SLC25A26: variants seen among roughly 807,000 people sequenced by gnomAD.
SLC25A26 encodes the protein solute carrier family 25 member 26, also known as mitochondrial S-adenosylmethionine carrier protein.
SLC25A26 carries 36 observed loss-of-function variants against 37.8 expected under a neutral mutation model. The ratio of observed to expected loss-of-function variants is 0.95; its 90% CI spans 0.73 to 1.26. SLC25A26 has a LOEUF of 1.26. Ranked by LOEUF, SLC25A26 falls within the 50% of genes most tolerant of loss-of-function variation. SLC25A26 has a pLI of 0.00. For synonymous variants in SLC25A26, 129 were observed against 122.5 expected (o/e 1.05, Z -0.35); for missense variants, 390 against 331.1 (o/e 1.18, Z -1.38).
intron 5 of SLC25A26, among the ~76,000 whole-genome samples, chr3:66,339,925 T>A (rs2076170816): frequency 6.6e-6 from 1 of 152,140 alleles, no homozygotes; most frequent in African/African-American, 2.4e-5. Flanking sequence ...ATCCAAGAAA[T>A]CATTGCCAAA....
chr3:66,173,240 G>T (rs772302269), intron 1 of SLC25A26, among the ~76,000 whole-genome samples: 1 of 152,156 alleles, frequency 6.6e-6, no homozygotes. Flanking sequence ...ATGCCTGTCT[G>T]GGGATTGGAA....
chr3:66,315,618 G>T (rs2075516496), intron 5 of SLC25A26, among the ~76,000 whole-genome samples: 9 of 152,098 alleles, frequency 5.9e-5, no homozygotes. Context: ...GAGTTCTGTA[G>T]GTATCTGTCA....
rs576069241 is a variant in SLC25A26, at chr3:66,314,774, GTTA to G, written c.454-31587_454-31585del. On this transcript the variant is annotated intron_variant, in intron 5 of 9. Coordinates refer to ENST00000354883, the MANE Select transcript of SLC25A26 (RefSeq NM_001379210.1). ...GGGCTTTTTTTTGTTTTTTTTTTTA[GTTA>G]TTTATTACTGCCTCAATTTCAGAAC... 6.8e-5 allele frequency among the ~76,000 whole-genome samples: 10 copies of G among 146,156 alleles called. No individual in the cohort carries two copies. The South Asian group carries it at 2.1e-3, about 31-fold the overall frequency.
At chr3:66,295,477 C>T (rs1239388541) in intron 5 of SLC25A26, among the ~76,000 whole-genome samples, 3 of 149,112 alleles carry the variant, frequency 2.0e-5, no homozygotes. Flanking sequence ...GATCGGCTTA[C>T]TGCAAGCTCC....
intron 5 of SLC25A26, among the ~76,000 whole-genome samples, chr3:66,319,531 C>G (rs1378582763): frequency 6.6e-6 from 1 of 151,926 alleles, no homozygotes; most frequent in Non-Finnish European, 1.5e-5. Flanking sequence ...TTATACCTTC[C>G]TTATCTGTTA....
At chr3:66,175,711 C>G (rs2070575754) in intron 1 of SLC25A26, among the ~76,000 whole-genome samples, 1 of 152,130 alleles carries the variant, frequency 6.6e-6, no homozygotes, top group Non-Finnish European at 1.5e-5. Context: ...AGGAAAAAAC[C>G]CAGTGTCTCA....
At chr3:66,227,910 G>A (rs1253367229) in intron 1 of SLC25A26, among the ~76,000 whole-genome samples, 1 of 152,070 alleles carries the variant, frequency 6.6e-6, no homozygotes, top group African/African-American at 2.4e-5. Flanking sequence ...CTGTTTTGTT[G>A]TTTTTCTTGT....
Position 66,348,437 on chromosome 3 carries a change from A to G in SLC25A26, c.498+2029A>G, listed in dbSNP as rs545283715. Among the ~76,000 whole-genome samples the G allele has an allele frequency of 3.3e-5, 5 of 152,326 alleles. No individual in the cohort carries two copies. The South Asian group carries it at 8.3e-4, about 25-fold the overall frequency. On this transcript the variant is annotated intron_variant, in intron 6 of 9. Transcript: ENST00000354883. ...TCTCGCTGTGGATAATGGTCCAAAA[A>G]CTTTGAAAGCCCTTGTTCTAGTGAA... is the stretch of plus-strand genomic sequence containing the variant.
chr3:66,322,874 A>C (rs577739673), intron 5 of SLC25A26, among the ~76,000 whole-genome samples: 7 of 151,892 alleles, frequency 4.6e-5, no homozygotes, highest in South Asian at 2.1e-4. Context: ...TTTTAATAGT[A>C]TATTTATAGT....
At chr3:66,347,971 G>A (rs1460514762) in intron 6 of SLC25A26, among the ~76,000 whole-genome samples, 1 of 152,190 alleles carries the variant, frequency 6.6e-6, no homozygotes, top group South Asian at 2.1e-4. Context: ...ACTGGGGCCT[G>A]TTGTGGGGTG....
At chr3:66,253,817 A>C (rs924024850) in intron 3 of SLC25A26, among the ~76,000 whole-genome samples, 19 of 152,198 alleles carry the variant, frequency 1.2e-4, no homozygotes, top group African/African-American at 4.1e-4. Context: ...GGAATCTATA[A>C]ATCCATCCAT....
chr3:66,344,338 C>G (rs1477898280), intron 5 of SLC25A26, among the ~76,000 whole-genome samples: 1 of 152,106 alleles, frequency 6.6e-6, no homozygotes, highest in Non-Finnish European at 1.5e-5. Context: ...TGGCACATAC[C>G]TGTAATCCCA....
At chr3:66,299,699 C>T (rs546919988) in intron 5 of SLC25A26, among the ~76,000 whole-genome samples, 2 of 152,132 alleles carry the variant, frequency 1.3e-5, no homozygotes, top group East Asian at 1.9e-4. Context: ...TTAAATGTCT[C>T]GAAATAAACT....
intron 5 of SLC25A26, among the ~76,000 whole-genome samples, chr3:66,337,641 C>T (rs2076120378): frequency 2.0e-5 from 3 of 151,850 alleles, no homozygotes. Context: ...AGATTTATTC[C>T]AAATTGTTAA....
chr3:66,318,582 C>T (rs1423423782), intron 5 of SLC25A26, among the ~76,000 whole-genome samples: 1 of 152,000 alleles, frequency 6.6e-6, no homozygotes, highest in African/African-American at 2.4e-5. Context: ...TTTTGTCCTT[C>T]TCAGTGGAAG....
chr3:66,332,706 C>T (rs1324449268), intron 5 of SLC25A26, among the ~76,000 whole-genome samples: 1 of 152,104 alleles, frequency 6.6e-6, no homozygotes, highest in African/African-American at 2.4e-5. Context: ...GCCACTGTGC[C>T]CAGCCAGTGC....
intron 1 of SLC25A26, among the ~76,000 whole-genome samples, chr3:66,224,123 G>A (rs782465408): frequency 2.0e-5 from 3 of 152,270 alleles, no homozygotes; most frequent in Non-Finnish European, 2.9e-5. Context: ...ATGTATATTT[G>A]CTTGTACCTA....
intron 5 of SLC25A26, among the ~76,000 whole-genome samples, chr3:66,270,584 A>T (rs529602814): frequency 6.6e-6 from 1 of 152,300 alleles, no homozygotes; most frequent in African/African-American, 2.4e-5. Flanking sequence ...ATGAAAATGA[A>T]ATTTCCTCTT....
In SLC25A26 at chr3:66,377,812, G is replaced by A. The variant is rs1296031682; in HGVS notation, c.*5G>A. On this transcript the variant is annotated 3_prime_UTR_variant, in exon 10 of 10. Transcript: ENST00000354883. The stretch of plus-strand genomic sequence containing the variant: ...GTTGGCAGAAAGAGTCCTTGAAGCA[G>A]AGACAAGCCTCACCTCCACTTCTGT... The A allele has an allele frequency of 6.2e-6, 10 of 1,606,406 alleles. No individual in the cohort carries two copies. The highest frequency in any genetic ancestry group is 8.5e-6 in the Non-Finnish European group (10 of 1,173,204).
Sources: allele counts gnomAD v4.1 joint callset (sites outside exome capture counted in the v4.1 genomes callset), GRCh38; gene constraint gnomAD v4.1.1; transcripts MANE v1.5; gene names NCBI Gene and HGNC (gene_info 2026-07-23, HGNC 2026-07-21).